Variants in C8A observed in about 807,000 individuals in gnomAD.
C8A encodes complement component C8 alpha chain.
Under a neutral mutation model 65.3 loss-of-function variants are expected in C8A, and 67 were observed. That is an observed-to-expected ratio of 1.03 (90% confidence interval 0.84 to 1.26). The LOEUF (loss-of-function observed/expected upper bound fraction) is 1.26. Ranked by LOEUF, C8A falls within the 50% of genes most tolerant of loss-of-function variation. The pLI, the probability that C8A is intolerant of heterozygous loss-of-function variation, is 0.00. For missense variants in C8A, 781 were observed against 723.9 expected (o/e 1.08, Z -0.90); for synonymous variants, 290 against 259.4 (o/e 1.12, Z -1.13).
chr1:56,875,284 T>A (rs1472973017), intron 3 of C8A, among the ~76,000 whole-genome samples, 191 bp downstream of exon 3: 1 of 152,196 alleles, frequency 6.6e-6, no homozygotes, highest in African/African-American at 2.4e-5. Flanking sequence ...TTGATTCAAC[T>A]TTGTAGGAAC....
At chr1:56,871,423 T>C (rs1644146464) in intron 2 of C8A, among the ~76,000 whole-genome samples, 3 of 152,208 alleles carry the variant, frequency 2.0e-5, no homozygotes, top group Admixed American at 2.0e-4. Flanking sequence ...AACAGCTGGA[T>C]ACAAGAATGA....
intron 5 of C8A, 66 bp downstream of exon 5, chr1:56,881,700 T>A (rs1644250141): frequency 3.5e-6 from 5 of 1,435,804 alleles, no homozygotes; most frequent in Non-Finnish European, 2.0e-6. Flanking sequence ...GAGGCCTATT[T>A]GTGGAGATGA....
intron 6 of C8A, among the ~76,000 whole-genome samples, chr1:56,884,044 A>T (rs1022783212): frequency 4.6e-5 from 7 of 151,734 alleles, no homozygotes; most frequent in Non-Finnish European, 1.0e-4. Context: ...TGCTTTTCCA[A>T]AAAGATAGAA....
intron 5 of C8A, 54 bp downstream of exon 5, chr1:56,881,688 C>G (rs1026209964): frequency 2.6e-6 from 4 of 1,512,218 alleles, no homozygotes; most frequent in Non-Finnish European, 3.7e-6. Flanking sequence ...GGCAGAGAGG[C>G]AGAGGCCTAT....
chr1:56,896,404 G>C (rs1644387507), intron 7 of C8A, among the ~76,000 whole-genome samples: 1 of 152,122 alleles, frequency 6.6e-6, no homozygotes, highest in Non-Finnish European at 1.5e-5. Flanking sequence ...CTGAAGGCCA[G>C]CAGGCTTGAG....
chr1:56,869,705 T>C (rs756247493), intron 2 of C8A, among the ~76,000 whole-genome samples: 4 of 152,146 alleles, frequency 2.6e-5, no homozygotes, highest in Non-Finnish European at 5.9e-5. Context: ...ATTATGGCCA[T>C]TCTTTCAGGA....
intron 9 of C8A, among the ~76,000 whole-genome samples, chr1:56,908,705 T>C (rs1243883814): frequency 2.0e-5 from 3 of 152,218 alleles, no homozygotes; most frequent in Non-Finnish European, 4.4e-5. Flanking sequence ...ACCTCTGTCA[T>C]AGATACTATT....
At chr1:56,863,025 ATG>A (rs1320663066) in intron 1 of C8A, among the ~76,000 whole-genome samples, 1 of 152,196 alleles carries the variant, frequency 6.6e-6, no homozygotes, top group African/African-American at 2.4e-5. Flanking sequence ...GAGTGGAACA[ATG>A]TGTATTACCA....
chr1:56,898,044 A>G (rs1052615157), intron 7 of C8A, among the ~76,000 whole-genome samples: 4 of 152,150 alleles, frequency 2.6e-5, no homozygotes, highest in African/African-American at 9.7e-5. Context: ...CTCATCTTCC[A>G]AAATTACTAG....
rs766134705 is a variant in C8A, at chr1:56,906,657, C to G, written c.1097-10C>G. On this transcript the variant is annotated splice_polypyrimidine_tract_variant and intron_variant, in intron 7 of 10. Transcript: ENST00000361249. Reference sequence around the variant, plus strand: ...TCAGCATTTTGTGTTTCTCTGTCTCCCTGTTGCAGGTATTACCAGCAGAGA... The same window carrying G: ...TCAGCATTTTGTGTTTCTCTGTCTCGCTGTTGCAGGTATTACCAGCAGAGA... 1.2e-6 allele frequency: 2 copies of G among 1,613,904 alleles called. No homozygotes were observed. The highest frequency in any genetic ancestry group is 4.5e-5 in the East Asian group (2 of 44,872).
chr1:56,875,834 G>T (rs917071920), intron 3 of C8A, among the ~76,000 whole-genome samples: 2 of 152,070 alleles, frequency 1.3e-5, no homozygotes, highest in Non-Finnish European at 2.9e-5. Flanking sequence ...AAGATTACTG[G>T]GGGCTGCAAT....
Position 56,866,816 on chromosome 1 carries a change from G to T in C8A, c.78-793G>T, listed in dbSNP as rs143166109. Among the ~76,000 whole-genome samples, 729 of 152,250 alleles carry T rather than the reference G, an allele frequency of 4.8e-3. 4 individuals are homozygous for T. Among genetic ancestry groups the T allele is most frequent in the African/African-American group, 0.017 (695 of 41,558 alleles). On this transcript the variant is annotated intron_variant, in intron 1 of 10. Transcript: ENST00000361249. ...TTTAATTGGTGAGGGGGAAGTATAG[G>T]GTAAGAGAAGGATCGTGGGCTTGGA...
intron 3 of C8A, among the ~76,000 whole-genome samples, chr1:56,875,661 C>T (rs1336999363): frequency 2.6e-5 from 4 of 151,986 alleles, no homozygotes. Context: ...TCCCAATCAG[C>T]CCAGAATGTT....
At chr1:56,855,268 A>G (rs1464994401) in intron 1 of C8A, among the ~76,000 whole-genome samples, 2 of 152,108 alleles carry the variant, frequency 1.3e-5, no homozygotes, top group East Asian at 3.9e-4. Flanking sequence ...GAATAATAAT[A>G]CCTCTTCTAT....
Position 56,881,426 on chromosome 1 carries a change from G to T in C8A, c.465-19G>T, listed in dbSNP as rs1165092622. 6.2e-7 allele frequency: 1 copy of T among 1,613,192 alleles called. No individual in the cohort carries two copies. The highest frequency in any genetic ancestry group is 8.5e-7 in the Non-Finnish European group (1 of 1,179,346). On this transcript the variant is annotated intron_variant, in intron 4 of 10. Coordinates refer to ENST00000361249, the MANE Select transcript of C8A (RefSeq NM_000562.3). ...CCCAGCATCCACTAGCTATTTAGAA[G>T]CTGCTTTGTTCCATGTAGGTACAAT... is the stretch of plus-strand genomic sequence containing the variant.
intron 8 of C8A, 104 bp downstream of exon 8, chr1:56,906,896 G>A (rs886813675): frequency 1.0e-5 from 14 of 1,404,016 alleles, no homozygotes; most frequent in African/African-American, 1.4e-5. Flanking sequence ...TTGCATTTTA[G>A]TCAATGATCA....
intron 7 of C8A, among the ~76,000 whole-genome samples, chr1:56,906,007 G>A (rs1644461569): frequency 6.6e-6 from 1 of 152,096 alleles, no homozygotes; most frequent in Non-Finnish European, 1.5e-5. Context: ...GATGGCTAAC[G>A]TGGGCCTGAC....
chr1:56,912,948 G>T (rs1282906524), intron 10 of C8A, among the ~76,000 whole-genome samples: 2 of 152,214 alleles, frequency 1.3e-5, no homozygotes, highest in Non-Finnish European at 2.9e-5. Flanking sequence ...AACAACAGAA[G>T]TGTATTGTTT....
chr1:56,882,322 G>A (rs1441689892), intron 5 of C8A, among the ~76,000 whole-genome samples: 1 of 152,082 alleles, frequency 6.6e-6, no homozygotes, highest in Non-Finnish European at 1.5e-5. Flanking sequence ...CTTAACATGT[G>A]TCAGATCTTC....
Sources: gnomAD v4.1 joint callset for allele counts (sites outside exome capture counted in the v4.1 genomes callset) on GRCh38, gnomAD v4.1.1 for gene constraint, MANE v1.5 for transcripts, NCBI Gene and HGNC (gene_info 2026-07-23, HGNC 2026-07-21) for gene names.